Variants in FGF13 observed in about 807,000 individuals in gnomAD.
FGF13 encodes fibroblast growth factor homologous factor 2.
Under a neutral mutation model 19.5 loss-of-function variants are expected in FGF13, and 2 were observed. The observed-to-expected ratio is 0.10, with a 90% CI of 0.04 to 0.32. FGF13 has a LOEUF of 0.32. Ranked by LOEUF, FGF13 falls within the 10% of genes least tolerant of loss-of-function variation. The probability of loss-of-function intolerance (pLI) is 1.00; values close to 1 mark genes in which losing one functional copy is unlikely to be tolerated. For missense variants in FGF13, 113 were observed against 192.7 expected, an observed-to-expected ratio of 0.59 and a Z score of 2.45; for synonymous variants, 72 against 76.9, an observed-to-expected ratio of 0.94 and a Z score of 0.33.
rs1013324702 is a variant in FGF13, at chrX:138,689,829, T to C, written c.402+13155A>G. On this transcript the variant is annotated intron_variant, in intron 3 of 4. Transcript: ENST00000315930. ...TTAATTATTTGTTTGAACAGTTTCATGCCTTGATCAGAGATAGCAGTTAAA... is the reference window on the plus strand; with the variant it reads ...TTAATTATTTGTTTGAACAGTTTCACGCCTTGATCAGAGATAGCAGTTAAA... Among the ~76,000 whole-genome samples, 5 of 112,346 alleles carry C rather than the reference T, an allele frequency of 4.5e-5. No homozygotes were observed. The Admixed American group carries it at 4.7e-4, about 11-fold the overall frequency.
At chrX:138,796,778 T>A (rs2090781959) in intron 3 of FGF13, among the ~76,000 whole-genome samples, 2 of 112,253 alleles carry the variant, frequency 1.8e-5, no homozygotes, top group Non-Finnish European at 3.8e-5. Context: ...GGTATCTCAT[T>A]GTGGTTTTGG....
At chrX:139,158,807 C>T (rs1051193752) in intron 1 of FGF13, among the ~76,000 whole-genome samples, 2 of 111,150 alleles carry the variant, frequency 1.8e-5, no homozygotes, top group African/African-American at 6.6e-5. Flanking sequence ...AACAAAGCCT[C>T]CAAGAAATAT....
chrX:138,864,114 A>G (rs1322144780), intron 2 of FGF13, among the ~76,000 whole-genome samples: 1 of 111,999 alleles, frequency 8.9e-6, no homozygotes, highest in Non-Finnish European at 1.9e-5. Flanking sequence ...CGCCCTGACA[A>G]CTGAAGGCAA....
At chrX:138,937,590 T>C (rs1430100675) in intron 1 of FGF13, among the ~76,000 whole-genome samples, 4 of 112,417 alleles carry the variant, frequency 3.6e-5, no homozygotes, top group Admixed American at 2.8e-4. Context: ...ACTGCATGAA[T>C]GTATACACAT....
intron 1 of FGF13, among the ~76,000 whole-genome samples, chrX:138,899,199 T>G (rs1041624956): frequency 1.2e-4 from 13 of 111,479 alleles, no homozygotes; most frequent in Non-Finnish European, 2.1e-4. Context: ...TTGTGTTTTT[T>G]GGGGGGGTTG....
intron 1 of FGF13, among the ~76,000 whole-genome samples, chrX:139,049,146 C>T (rs897664335): frequency 1.8e-5 from 2 of 110,660 alleles, no homozygotes; most frequent in Non-Finnish European, 3.8e-5. Context: ...TATTCTCACT[C>T]ATATGTGGAA....
chrX:138,777,660 C>G (rs151309892), intron 3 of FGF13, among the ~76,000 whole-genome samples: 153 of 111,614 alleles, frequency 1.4e-3, no homozygotes, highest in African/African-American at 5.0e-3. Flanking sequence ...GTGGGAGTTC[C>G]CAAGGCACCA....
At chrX:138,667,339 C>G (rs781410326) in intron 3 of FGF13, among the ~76,000 whole-genome samples, 1 of 108,956 alleles carries the variant, frequency 9.2e-6, no homozygotes, top group Non-Finnish European at 1.9e-5. Flanking sequence ...CAGCTAGCCA[C>G]TACAAGGATC....
At chrX:138,745,584 G>A (rs765736803) in intron 3 of FGF13, among the ~76,000 whole-genome samples, 24 of 112,046 alleles carry the variant, frequency 2.1e-4, no homozygotes, top group African/African-American at 1.3e-4. Context: ...TTAGCATCTC[G>A]CGACAATAGG....
chrX:138,708,855 T>C lies in FGF13; in HGVS notation c.261A>G (p.Gly87=), dbSNP rs2090016282. 8.3e-7 allele frequency: 1 copy of C among 1,210,570 alleles called. No homozygotes were observed. Among genetic ancestry groups the C allele is most frequent in the East Asian group, 3.0e-5 (1 of 33,836 alleles). The change falls in exon 2 of 5, where the codon GGA becomes GGG. Residue 87 remains glycine (G), a synonymous_variant. Transcript: ENST00000315930. ...CCTCATCTTTGGTGCCATCAATGGT[T>C]CCATCCGCCTGCAGCTGCAAGTGGT... is the stretch of plus-strand genomic sequence containing the variant. ...QGYHLQLQAD[G]TIDGTKDEDS...
intron 1 of FGF13, among the ~76,000 whole-genome samples, chrX:139,099,686 T>TG (rs1285938075): frequency 9.0e-6 from 1 of 110,699 alleles, no homozygotes; most frequent in African/African-American, 3.3e-5. Context: ...GTAGCTGAGG[T>TG]GGGGAGGAGG....
intron 1 of FGF13, among the ~76,000 whole-genome samples, chrX:139,097,571 G>A (rs1474547454): frequency 8.9e-6 from 1 of 111,739 alleles, no homozygotes; most frequent in Non-Finnish European, 1.9e-5. Context: ...AGGGTTAAAG[G>A]AGAGAGAAAA....
At chrX:138,686,819 G>A (rs1433377367) in intron 3 of FGF13, among the ~76,000 whole-genome samples, 1 of 111,666 alleles carries the variant, frequency 9.0e-6, no homozygotes, top group Non-Finnish European at 1.9e-5. Flanking sequence ...GCCTCTTAAA[G>A]GCTGACTTAG....
At chrX:138,821,226 T>C (rs1043878862) in intron 3 of FGF13, among the ~76,000 whole-genome samples, 8 of 111,600 alleles carry the variant, frequency 7.2e-5, no homozygotes, top group Non-Finnish European at 1.1e-4. Context: ...ATTCTAGAGA[T>C]AGCTTATAAC....
intron 3 of FGF13, among the ~76,000 whole-genome samples, chrX:138,664,822 A>G (rs1459430400): frequency 9.0e-6 from 1 of 111,490 alleles, no homozygotes; most frequent in Non-Finnish European, 1.9e-5. Flanking sequence ...TCTGATTACA[A>G]GAATTTAGGA....
At chrX:139,158,439 C>T (rs779960864) in intron 1 of FGF13, among the ~76,000 whole-genome samples, 1 of 110,525 alleles carries the variant, frequency 9.0e-6, no homozygotes, top group South Asian at 3.9e-4. Flanking sequence ...GGGCATCATA[C>T]ATTACTGAGG....
chrX:138,792,978 G>C (rs1463688962), intron 3 of FGF13, among the ~76,000 whole-genome samples: 1 of 111,462 alleles, frequency 9.0e-6, no homozygotes, highest in East Asian at 2.8e-4. Context: ...TATCTGATAG[G>C]CTCTAAATTC....
At chrX:139,031,999 A>G (rs1020292243) in intron 1 of FGF13, among the ~76,000 whole-genome samples, 1 of 111,409 alleles carries the variant, frequency 9.0e-6, no homozygotes, top group African/African-American at 3.3e-5. Context: ...ATTCATAAAG[A>G]CAGCAAACCT....
intron 1 of FGF13, among the ~76,000 whole-genome samples, chrX:138,972,829 T>G (rs924496760): frequency 9.0e-6 from 1 of 111,660 alleles, no homozygotes; most frequent in African/African-American, 3.3e-5. Context: ...TCTATTTAGA[T>G]CTTTTGTCCA....
Sources: allele counts gnomAD v4.1 joint callset (sites outside exome capture counted in the v4.1 genomes callset), GRCh38; gene constraint gnomAD v4.1.1; transcripts MANE v1.5; gene names NCBI Gene and HGNC (gene_info 2026-07-23, HGNC 2026-07-21).